The following SH3RF3 variants were observed in gnomAD, a reference collection of about 807,000 sequenced individuals.
SH3RF3 encodes E3 ubiquitin-protein ligase SH3RF3.
In SH3RF3, 29 loss-of-function variants were observed where a neutral mutation model predicts 66.3. The ratio of observed to expected loss-of-function variants is 0.44; its 90% CI spans 0.33 to 0.60. The LOEUF (loss-of-function observed/expected upper bound fraction) is 0.60. Among genes scored for constraint, SH3RF3 ranks in the 20% least tolerant of loss-of-function variants. SH3RF3 has a pLI of 0.04. For missense variants in SH3RF3, 1,194 were observed against 1,190.9 expected (o/e 1.00, Z -0.04); for synonymous variants, 583 against 532.0 (o/e 1.10, Z -1.32).
At chr2:109,209,541 T>C (rs775609476) in intron 1 of SH3RF3, among the ~76,000 whole-genome samples, 15 of 152,132 alleles carry the variant, frequency 9.9e-5, no homozygotes, top group Non-Finnish European at 2.1e-4. Flanking sequence ...CAGTGTGTTA[T>C]CTGAGGAAAG....
intron 2 of SH3RF3, among the ~76,000 whole-genome samples, chr2:109,350,662 C>G: frequency 6.6e-6 from 1 of 152,182 alleles, no homozygotes; most frequent in South Asian, 2.1e-4. Context: ...CCTGTTTTCC[C>G]CCACGGTGGG....
At chr2:109,397,342 C>G (rs1216693066) in intron 3 of SH3RF3, among the ~76,000 whole-genome samples, 5 of 152,156 alleles carry the variant, frequency 3.3e-5, no homozygotes, top group Non-Finnish European at 7.4e-5. Flanking sequence ...TGGAAACTCA[C>G]AGGCATTTAC....
intron 1 of SH3RF3, among the ~76,000 whole-genome samples, chr2:109,134,556 G>T (rs1197356562): frequency 6.6e-6 from 1 of 152,202 alleles, no homozygotes; most frequent in Admixed American, 6.5e-5. Flanking sequence ...GGGTTGAGCG[G>T]TGTTTTAAGT....
chr2:109,494,890 G>C (rs1360078369), intron 9 of SH3RF3, among the ~76,000 whole-genome samples: 3 of 152,172 alleles, frequency 2.0e-5, no homozygotes, highest in African/African-American at 7.2e-5. Context: ...TCAGAGGAAG[G>C]ACATTCAAGT....
At chr2:109,257,598 C>G (rs1169511670) in intron 1 of SH3RF3, among the ~76,000 whole-genome samples, 2 of 152,108 alleles carry the variant, frequency 1.3e-5, no homozygotes, top group African/African-American at 4.8e-5. Context: ...ACCACTGGAG[C>G]AGGATAGACT....
intron 1 of SH3RF3, among the ~76,000 whole-genome samples, chr2:109,200,016 A>G (rs527315562): frequency 1.3e-5 from 2 of 152,024 alleles, no homozygotes; most frequent in Non-Finnish European, 2.9e-5. Context: ...GCTGCTGAGC[A>G]TGCTGTGATG....
intron 1 of SH3RF3, among the ~76,000 whole-genome samples, chr2:109,294,938 C>T (rs1681273875): frequency 6.6e-6 from 1 of 152,222 alleles, no homozygotes; most frequent in Non-Finnish European, 1.5e-5. Context: ...GTGGAAACAG[C>T]ACTTTCCCAG....
At chr2:109,376,971 C>T (rs1297188279) in intron 3 of SH3RF3, among the ~76,000 whole-genome samples, 1 of 152,244 alleles carries the variant, frequency 6.6e-6, no homozygotes, top group Non-Finnish European at 1.5e-5. Context: ...GAGCACCTGT[C>T]CCGGCAGCCA....
chr2:109,406,263 A>G (rs1332486755), intron 4 of SH3RF3, among the ~76,000 whole-genome samples: 3 of 152,016 alleles, frequency 2.0e-5, no homozygotes, highest in African/African-American at 4.8e-5. Context: ...CAACTCCACT[A>G]TGACACATTT....
intron 1 of SH3RF3, among the ~76,000 whole-genome samples, chr2:109,254,234 G>A (rs1200463301): frequency 6.6e-6 from 1 of 152,110 alleles, no homozygotes; most frequent in Non-Finnish European, 1.5e-5. Flanking sequence ...TTGGATGTCT[G>A]ACCTGAGGAC....
At chr2:109,191,660 C>G (rs1459062701) in intron 1 of SH3RF3, among the ~76,000 whole-genome samples, 3 of 152,132 alleles carry the variant, frequency 2.0e-5, no homozygotes, top group Non-Finnish European at 2.9e-5. Flanking sequence ...GAGCCACTTG[C>G]CCATGGCAGT....
intron 1 of SH3RF3, among the ~76,000 whole-genome samples, chr2:109,191,588 G>A (rs1678365117): frequency 6.6e-6 from 1 of 152,202 alleles, no homozygotes; most frequent in Non-Finnish European, 1.5e-5. Context: ...TTGAGGGGCA[G>A]GCATTTCCCA....
chr2:109,298,653 G>A (rs1011803524), intron 1 of SH3RF3, among the ~76,000 whole-genome samples: 8 of 152,048 alleles, frequency 5.3e-5, no homozygotes, highest in East Asian at 3.9e-4. Flanking sequence ...CACCCGTTCC[G>A]TGCTCCCTCT....
At chr2:109,170,793 A>G (rs1372395942) in intron 1 of SH3RF3, among the ~76,000 whole-genome samples, 1 of 152,222 alleles carries the variant, frequency 6.6e-6, no homozygotes, top group African/African-American at 2.4e-5. Flanking sequence ...TCTCTCAGGA[A>G]GCTGACATCC....
intron 3 of SH3RF3, among the ~76,000 whole-genome samples, chr2:109,373,173 G>A (rs1196452467): frequency 6.6e-6 from 1 of 152,202 alleles, no homozygotes; most frequent in African/African-American, 2.4e-5. Context: ...CACTTCGCAA[G>A]TTTCCATGTA....
At chr2:109,217,708 G>A (rs887164149) in intron 1 of SH3RF3, among the ~76,000 whole-genome samples, 2 of 152,204 alleles carry the variant, frequency 1.3e-5, no homozygotes, top group Non-Finnish European at 2.9e-5. Context: ...CCTTTTTGGG[G>A]GAGGGTGGGG....
chr2:109,170,566 G>C (rs1358696639), intron 1 of SH3RF3, among the ~76,000 whole-genome samples: 1 of 151,992 alleles, frequency 6.6e-6, no homozygotes, highest in East Asian at 1.9e-4. Context: ...GGATGGTCTC[G>C]ATCTCCTGAC....
At chr2:109,281,954 A>T (rs1680903260) in intron 1 of SH3RF3, among the ~76,000 whole-genome samples, 1 of 152,062 alleles carries the variant, frequency 6.6e-6, no homozygotes, top group Non-Finnish European at 1.5e-5. Flanking sequence ...TGGTTTGTAG[A>T]GCAGAAGCCC....
intron 2 of SH3RF3, among the ~76,000 whole-genome samples, chr2:109,363,385 A>T (rs1683090905): frequency 6.6e-6 from 1 of 152,160 alleles, no homozygotes; most frequent in South Asian, 2.1e-4. Context: ...TCCTTGTATC[A>T]TTGGTGTGAT....
Sources: allele counts gnomAD v4.1 joint callset (sites outside exome capture counted in the v4.1 genomes callset), GRCh38; gene constraint gnomAD v4.1.1; transcripts MANE v1.5; gene names NCBI Gene and HGNC (gene_info 2026-07-23, HGNC 2026-07-21).